Variants in TMEM87A observed in about 807,000 individuals in gnomAD.
TMEM87A encodes transmembrane protein 87A.
A neutral mutation model predicts 90.0 loss-of-function variants in TMEM87A; 50 were observed. The ratio of observed to expected loss-of-function variants is 0.56; its 90% CI spans 0.44 to 0.70. The LOEUF (loss-of-function observed/expected upper bound fraction) is 0.70, where lower values mean the gene tolerates loss of function less well. Ranked by LOEUF, TMEM87A falls within the 30% of genes least tolerant of loss-of-function variation. The pLI is 0.00. For synonymous variants in TMEM87A, 226 were observed against 226.7 expected (o/e 1.00, Z 0.03); for missense variants, 577 against 660.5 (o/e 0.87, Z 1.39).
intron 19 of TMEM87A, among the ~76,000 whole-genome samples, chr15:42,215,248 C>T (rs1426146983): frequency 1.3e-5 from 2 of 152,060 alleles, no homozygotes; most frequent in Non-Finnish European, 2.9e-5. Context: ...GCCTGTAATC[C>T]CAGCATTTTG....
At chr15:42,254,254 T>C (rs1405617222) in intron 6 of TMEM87A, among the ~76,000 whole-genome samples, 2 of 152,166 alleles carry the variant, frequency 1.3e-5, no homozygotes, top group Non-Finnish European at 2.9e-5. Flanking sequence ...GTAGTTTTGT[T>C]CCCAAAACAT....
intron 3 of TMEM87A, among the ~76,000 whole-genome samples, chr15:42,264,699 A>ATATATATATATATATATATTTTT (rs10681614): frequency 2.6e-4 from 28 of 109,416 alleles, no homozygotes; most frequent in African/African-American, 8.6e-4. Context: ...ATATATATAT[A>ATATATATATATATATATATTTTT]TTTTTTTTTT....
Position 42,273,258 on chromosome 15 carries a change from C to T in TMEM87A, c.141G>A (p.Pro47=), listed in dbSNP as rs1193630967. 10 of 1,613,866 alleles carry T rather than the reference C, an allele frequency of 6.2e-6. No homozygotes were observed. In the Admixed American group the frequency reaches 6.7e-5, roughly 11 times the overall value. ...CGTTAGTGAAGTGAATACTCACCGACGGTATCGGAATGTGCCATTTGGACC... is the reference window on the plus strand; with the variant it reads ...CGTTAGTGAAGTGAATACTCACCGATGGTATCGGAATGTGCCATTTGGACC... ...ADRSKWHIPI[P]SGKNYFSFGK... The change falls in exon 1 of 20, where the codon CCG becomes CCA. Residue 47 remains proline (P), a synonymous_variant. Transcript: ENST00000389834.
At chr15:42,251,994 G>A (rs889120485) in intron 6 of TMEM87A, among the ~76,000 whole-genome samples, 17 of 152,222 alleles carry the variant, frequency 1.1e-4, no homozygotes, top group Admixed American at 8.5e-4. Context: ...CTCGCAGTTC[G>A]ATTTGGGACT....
At chr15:42,264,348 C>T (rs1307850553) in intron 3 of TMEM87A, 145 bp from the exon 4 acceptor site, 1 of 582,300 alleles carries the variant, frequency 1.7e-6, no homozygotes, top group African/African-American at 1.9e-5. Flanking sequence ...GATAAAGGCT[C>T]TATATAAAAA....
chr15:42,233,080 A>G (rs952561392), intron 11 of TMEM87A, 133 bp downstream of exon 11: 10 of 647,570 alleles, frequency 1.5e-5, no homozygotes, highest in Middle Eastern at 3.4e-4. Flanking sequence ...CTATACATAT[A>G]TTTTGAAAAT....
intron 6 of TMEM87A, among the ~76,000 whole-genome samples, chr15:42,248,617 A>G (rs2051023768): frequency 6.6e-6 from 1 of 152,132 alleles, no homozygotes; most frequent in Non-Finnish European, 1.5e-5. Flanking sequence ...CCACCCTTGC[A>G]TCCCAGGGAT....
intron 3 of TMEM87A, among the ~76,000 whole-genome samples, chr15:42,266,553 G>A (rs1355959197): frequency 6.6e-6 from 1 of 151,882 alleles, no homozygotes; most frequent in African/African-American, 2.4e-5. Flanking sequence ...ATAATAGTAT[G>A]CTATTTGACT....
intron 15 of TMEM87A, among the ~76,000 whole-genome samples, chr15:42,220,442 T>C (rs1471269913): frequency 6.6e-6 from 1 of 152,204 alleles, no homozygotes; most frequent in African/African-American, 2.4e-5. Flanking sequence ...ACATTACTCA[T>C]AGGGGTGTTT....
intron 15 of TMEM87A, among the ~76,000 whole-genome samples, chr15:42,221,349 C>G (rs2050482417): frequency 6.6e-6 from 1 of 151,818 alleles, no homozygotes; most frequent in African/African-American, 2.4e-5. Context: ...CAACAGCATT[C>G]CTACATATTT....
chr15:42,237,662 A>T (rs2050797434), intron 8 of TMEM87A, 47 bp from the exon 9 acceptor site: 8 of 1,446,144 alleles, frequency 5.5e-6, no homozygotes, highest in Non-Finnish European at 6.5e-6. Flanking sequence ...TAGGGCCAAG[A>T]GCCAAGTCTG....
chr15:42,219,112 T>A (rs1289001138), intron 17 of TMEM87A, among the ~76,000 whole-genome samples: 1 of 152,230 alleles, frequency 6.6e-6, no homozygotes, highest in African/African-American at 2.4e-5. Flanking sequence ...CAAACAGGTG[T>A]GAGGTGTTAT....
intron 6 of TMEM87A, among the ~76,000 whole-genome samples, chr15:42,247,605 G>A (rs986461780): frequency 7.2e-5 from 11 of 152,104 alleles, no homozygotes; most frequent in Non-Finnish European, 1.3e-4. Flanking sequence ...GTAAATGTGT[G>A]GTGTTATTTC....
intron 2 of TMEM87A, 52 bp downstream of exon 2, chr15:42,272,011 C>T (rs1231665340): frequency 2.9e-6 from 4 of 1,397,906 alleles, no homozygotes; most frequent in Non-Finnish European, 3.0e-6. Context: ...TAAAACATTA[C>T]CTATAAATTT....
intron 6 of TMEM87A, among the ~76,000 whole-genome samples, chr15:42,253,251 TC>T (rs1373466602): frequency 1.3e-5 from 2 of 152,342 alleles, no homozygotes; most frequent in South Asian, 2.1e-4. Context: ...TAAGGTCTTT[TC>T]TGATCGTATG....
intron 14 of TMEM87A, 192 bp downstream of exon 14, chr15:42,227,519 C>CA (rs1783810755): frequency 6.2e-6 from 3 of 483,734 alleles, no homozygotes; most frequent in South Asian, 6.4e-5. Context: ...AAAAAACAAA[C>CA]AAAAAACTAC....
At chr15:42,263,406 AT>A in intron 4 of TMEM87A, among the ~76,000 whole-genome samples, 1 of 152,252 alleles carries the variant, frequency 6.6e-6, no homozygotes. Flanking sequence ...AAGGTGGGGA[AT>A]TTTTGTTTAA....
chr15:42,233,937 ATT>A lies in TMEM87A; in HGVS notation c.969-633_969-632del, dbSNP rs11285848. Among the ~76,000 whole-genome samples, 75 of 139,828 alleles carry A rather than the reference ATT, an allele frequency of 5.4e-4. 1 individual carries two copies. The highest frequency in any genetic ancestry group is 3.8e-3 in the Middle Eastern group (1 of 262). 91.7% of individuals were successfully genotyped at this position (139,828 alleles called of 152,430 possible). On this transcript the variant is annotated intron_variant, in intron 10 of 19. Coordinates refer to ENST00000389834, the MANE Select transcript of TMEM87A (RefSeq NM_015497.5). Reference sequence around the variant, plus strand: ...AGGCACGTCCCACTACACCAGGCTAATTTTTTTTTTTTTTTTTGATGTTTTGT... The same window carrying A: ...AGGCACGTCCCACTACACCAGGCTAATTTTTTTTTTTTTTTGATGTTTTGT...
chr15:42,244,785 A>G (rs2050940712), intron 6 of TMEM87A, among the ~76,000 whole-genome samples: 1 of 147,638 alleles, frequency 6.8e-6, no homozygotes, highest in Non-Finnish European at 1.5e-5. Flanking sequence ...TGCTTTTCAC[A>G]TAGACTAGAG....
Sources: gnomAD v4.1 joint callset for allele counts (sites outside exome capture counted in the v4.1 genomes callset) on GRCh38, gnomAD v4.1.1 for gene constraint, MANE v1.5 for transcripts, NCBI Gene and HGNC (gene_info 2026-07-23, HGNC 2026-07-21) for gene names.